Variants in BUB1B observed in about 807,000 individuals in gnomAD.
The protein encoded by BUB1B is BUB1 mitotic checkpoint serine/threonine kinase B, also known as mitotic checkpoint serine/threonine-protein kinase BUB1 beta.
A neutral mutation model predicts 137.7 loss-of-function variants in BUB1B; 86 were observed. That is an observed-to-expected ratio of 0.62 (90% CI 0.52 to 0.75). The LOEUF is 0.75. Ranked by LOEUF, BUB1B falls within the 30% of genes least tolerant of loss-of-function variation. The pLI is 0.00. For synonymous variants in BUB1B, 420 were observed against 417.9 expected (o/e 1.00, Z -0.06); for missense variants, 1,130 against 1,236.9 (o/e 0.91, Z 1.30).
In BUB1B at chr15:40,202,598, A is replaced by G. The variant is rs2037586967; in HGVS notation, c.1638A>G (p.Ala546=). 6.2e-7 allele frequency: 1 copy of G among 1,614,080 alleles called. No individual in the cohort carries two copies. The highest frequency in any genetic ancestry group is 1.3e-5 in the African/African-American group (1 of 75,040). Residue 546 remains alanine (A), a synonymous_variant, in exon 14 of 23, where the codon GCA becomes GCG. Transcript: ENST00000287598. Reference sequence around the variant, plus strand: ...GTATGTCTTTTTCCAGTCCTCCTGCAGATCCCCCACGAGTTTTAGCTCAAC... The same window carrying G: ...GTATGTCTTTTTCCAGTCCTCCTGCGGATCCCCCACGAGTTTTAGCTCAAC... ...LSEKKNKSPP[A]DPPRVLAQRR...
chr15:40,177,060 G>T (rs1025765092), intron 5 of BUB1B, among the ~76,000 whole-genome samples: 1 of 152,146 alleles, frequency 6.6e-6, no homozygotes, highest in Non-Finnish European at 1.5e-5. Context: ...ATAGCCTTTT[G>T]AGTTTGGCCT....
intron 8 of BUB1B, among the ~76,000 whole-genome samples, chr15:40,191,024 A>G (rs113300299): frequency 0.055 from 8,372 of 151,856 alleles, 759 homozygotes; most frequent in African/African-American, 0.19. Context: ...AGTAGCTGAG[A>G]TTACAGGCTT....
At chr15:40,206,697 A>G (rs533838935) in intron 15 of BUB1B, among the ~76,000 whole-genome samples, 1 of 152,348 alleles carries the variant, frequency 6.6e-6, no homozygotes, top group Admixed American at 6.5e-5. Flanking sequence ...CGAGAGGAGT[A>G]TAGTACCATT....
At chr15:40,217,830 C>A (rs1376027334) in intron 21 of BUB1B, among the ~76,000 whole-genome samples, 163 bp downstream of exon 21, 1 of 152,168 alleles carries the variant, frequency 6.6e-6, no homozygotes, top group East Asian at 1.9e-4. Flanking sequence ...TTTTGTGTTA[C>A]AGCATTGAAG....
chr15:40,178,930 G>A (rs1350691142), intron 5 of BUB1B, among the ~76,000 whole-genome samples: 2 of 151,358 alleles, frequency 1.3e-5, no homozygotes, highest in African/African-American at 2.4e-5. Flanking sequence ...TCTTAGAGTT[G>A]TATAATCATC....
At chr15:40,198,857 G>A (rs2037530090) in intron 9 of BUB1B, among the ~76,000 whole-genome samples, 1 of 152,110 alleles carries the variant, frequency 6.6e-6, no homozygotes, top group Admixed American at 6.5e-5. Flanking sequence ...ACTCAGGAGA[G>A]TGAGGCAGAA....
intron 18 of BUB1B, 31 bp from the exon 19 acceptor site, chr15:40,212,463 TAACTG>T (rs1318120496): frequency 1.9e-6 from 3 of 1,575,760 alleles, no homozygotes; most frequent in African/African-American, 1.3e-5. Context: ...ACCATAGACT[TAACTG>T]AACTTATTTT....
intron 4 of BUB1B, among the ~76,000 whole-genome samples, chr15:40,172,459 AT>A (rs1307087760): frequency 6.6e-6 from 1 of 152,210 alleles, no homozygotes. Flanking sequence ...TGCCATATGT[AT>A]TATATCTTTT....
chr15:40,185,419 A>T (rs1450515296), intron 7 of BUB1B, 40 bp downstream of exon 7: 2 of 1,607,522 alleles, frequency 1.2e-6, no homozygotes, highest in Non-Finnish European at 8.5e-7. Flanking sequence ...GACACAACAA[A>T]GACTTCACAT....
rs267604170 is a variant in BUB1B at position 40,199,725 on chromosome 15, C to G, written c.1399C>G (p.Gln467Glu). The G allele has an allele frequency of 1.2e-6, 2 of 1,609,382 alleles. No individual in the cohort carries two copies. Among genetic ancestry groups the G allele is most frequent in the Non-Finnish European group, 1.7e-6 (2 of 1,176,024 alleles). ...QTTQQERTGD[Q>E]QEETMPTKET... ...TACTCAGCAAGAAAGAACAGGTGAT[C>G]AGGTAATTTTTCTTTTTTCATACAC... Residue 467 changes from glutamine (Q) to glutamate (E), a missense_variant and splice_region_variant, in exon 10 of 23, where the codon CAG (glutamine) becomes GAG (glutamate). Coordinates refer to ENST00000287598, the MANE Select transcript of BUB1B (RefSeq NM_001211.6).
chr15:40,184,780 A>G (rs1193783957), intron 6 of BUB1B, among the ~76,000 whole-genome samples: 1 of 152,212 alleles, frequency 6.6e-6, no homozygotes, highest in Non-Finnish European at 1.5e-5. Context: ...TGTATTCTCT[A>G]GTTCCAGTAT....
chr15:40,213,890 A>C (rs2140908491), intron 20 of BUB1B, among the ~76,000 whole-genome samples: 1 of 152,334 alleles, frequency 6.6e-6, no homozygotes, highest in South Asian at 2.1e-4. Context: ...GGAACATATT[A>C]TGTTAAGAGA....
intron 4 of BUB1B, 54 bp from the exon 5 acceptor site, chr15:40,176,423 T>TA (rs2037223710): frequency 4.7e-6 from 7 of 1,488,420 alleles, no homozygotes; most frequent in Middle Eastern, 3.5e-4. Context: ...TGGCAACTAA[T>TA]AGGCATTCAA....
At chr15:40,173,252 C>T (rs964455048) in intron 4 of BUB1B, among the ~76,000 whole-genome samples, 1 of 147,676 alleles carries the variant, frequency 6.8e-6, no homozygotes, top group Non-Finnish European at 1.5e-5. Context: ...CCACTGTACT[C>T]CAGCCTGGGC....
At chr15:40,211,518 C>A (rs925138524) in intron 18 of BUB1B, among the ~76,000 whole-genome samples, 1 of 152,142 alleles carries the variant, frequency 6.6e-6, no homozygotes, top group Non-Finnish European at 1.5e-5. Flanking sequence ...AATTTTCTGC[C>A]TGGAGCATAT....
chr15:40,195,644 A>G (rs915578921), intron 8 of BUB1B, among the ~76,000 whole-genome samples: 1 of 152,010 alleles, frequency 6.6e-6, no homozygotes, highest in African/African-American at 2.4e-5. Flanking sequence ...GCCAGTGTCT[A>G]TTATTTTTTG....
intron 2 of BUB1B, among the ~76,000 whole-genome samples, chr15:40,167,400 G>A (rs1038173457): frequency 3.5e-5 from 5 of 140,974 alleles, no homozygotes; most frequent in African/African-American, 1.4e-4. Context: ...GCCCAGGCTG[G>A]AGCGCAATCT....
rs575947404 is a variant in BUB1B, at chr15:40,169,700, A to G, written c.180-362A>G. ...GCAATCTCTGCTCACTGCAGCCTCT[A>G]CTTCCAGGTTCAAGTGCTCTTCCCA... is the stretch of plus-strand genomic sequence containing the variant. On this transcript the variant is annotated intron_variant, in intron 2 of 22. Transcript: ENST00000287598. Among the ~76,000 whole-genome samples the G allele has an allele frequency of 1.6e-4, 21 of 132,744 alleles. No homozygotes were observed. The South Asian group carries it at 4.5e-3, about 28-fold the overall frequency. 87.1% of individuals were successfully genotyped at this position (132,744 alleles called of 152,430 possible).
At chr15:40,168,776 C>G (rs896784641) in intron 2 of BUB1B, among the ~76,000 whole-genome samples, 5 of 152,198 alleles carry the variant, frequency 3.3e-5, no homozygotes, top group Non-Finnish European at 5.9e-5. Context: ...TTAGGGTTCA[C>G]TCACCTTCCT....
Sources: gnomAD v4.1 joint callset for allele counts (sites outside exome capture counted in the v4.1 genomes callset) on GRCh38, gnomAD v4.1.1 for gene constraint, MANE v1.5 for transcripts, NCBI Gene and HGNC (gene_info 2026-07-23, HGNC 2026-07-21) for gene names.